Variants in WDR70 observed in about 807,000 individuals in gnomAD.
WDR70 encodes the protein WD repeat domain 70.
Under a neutral mutation model 88.6 loss-of-function variants are expected in WDR70, and 53 were observed. The observed-to-expected ratio is 0.60, with a 90% confidence interval of 0.48 to 0.75. WDR70 has a LOEUF of 0.75. Ranked by LOEUF, WDR70 falls within the 30% of genes least tolerant of loss-of-function variation. The probability of loss-of-function intolerance (pLI) is 0.00; values close to 1 mark genes in which losing one functional copy is unlikely to be tolerated. For synonymous variants in WDR70, 280 were observed against 270.0 expected (o/e 1.04, Z -0.36); for missense variants, 610 against 823.2 (o/e 0.74, Z 3.17).
At chr5:37,512,583 A>ATTTTT (rs34462724) in intron 8 of WDR70, among the ~76,000 whole-genome samples, 1 of 141,852 alleles carries the variant, frequency 7.0e-6, no homozygotes, top group East Asian at 2.1e-4. Flanking sequence ...TGCATCTAGA[A>ATTTTT]TTTTTTTTTT....
At chr5:37,555,569 T>C (rs1742271879) in intron 9 of WDR70, among the ~76,000 whole-genome samples, 1 of 152,184 alleles carries the variant, frequency 6.6e-6, no homozygotes, top group South Asian at 2.1e-4. Context: ...GAGGAGGAAA[T>C]ATCTTAGAAT....
At chr5:37,415,580 C>G (rs1271912869) in intron 5 of WDR70, among the ~76,000 whole-genome samples, 1 of 141,124 alleles carries the variant, frequency 7.1e-6, no homozygotes, top group Non-Finnish European at 1.6e-5. Context: ...CCCCACCTCC[C>G]TCCCGGACGG....
intron 9 of WDR70, among the ~76,000 whole-genome samples, chr5:37,553,590 A>C (rs1240657127): frequency 6.6e-6 from 1 of 152,216 alleles, no homozygotes; most frequent in Non-Finnish European, 1.5e-5. Context: ...GTGCTTGTGC[A>C]TGTGCTGAGG....
intron 5 of WDR70, among the ~76,000 whole-genome samples, chr5:37,431,512 G>C (rs1298581013): frequency 6.6e-6 from 1 of 151,996 alleles, no homozygotes; most frequent in Non-Finnish European, 1.5e-5. Context: ...TCCTAGTTCA[G>C]CCTCCACACC....
chr5:37,484,120 A>G (rs539567314), intron 8 of WDR70, among the ~76,000 whole-genome samples: 242 of 149,756 alleles, frequency 1.6e-3, no homozygotes, highest in African/African-American at 5.5e-3. Context: ...ATGGGCGGCC[A>G]GGCAGAGACG....
chr5:37,674,466 A>G (rs1394139782), intron 10 of WDR70, among the ~76,000 whole-genome samples: 1 of 152,064 alleles, frequency 6.6e-6, no homozygotes, highest in East Asian at 1.9e-4. Context: ...CCCACCTATG[A>G]GTGAGAACAT....
At chr5:37,723,726 C>T (rs1249682954) in intron 15 of WDR70, 1 of 152,168 alleles carries the variant, frequency 6.6e-6, no homozygotes, top group Admixed American at 6.5e-5. Context: ...AAAGAGATCC[C>T]ATGACACTTT....
chr5:37,396,979 C>T (rs575626734), intron 5 of WDR70, among the ~76,000 whole-genome samples: 3 of 152,162 alleles, frequency 2.0e-5, no homozygotes, highest in Non-Finnish European at 2.9e-5. Context: ...TCTGTTTCTA[C>T]AAAAATGCAA....
chr5:37,685,174 C>T (rs764647134), intron 10 of WDR70, among the ~76,000 whole-genome samples: 5 of 152,178 alleles, frequency 3.3e-5, no homozygotes, highest in Middle Eastern at 3.4e-3. Flanking sequence ...AAGGCACTGA[C>T]TGCAATGGTG....
intron 10 of WDR70, among the ~76,000 whole-genome samples, chr5:37,690,566 A>C (rs1429936800): frequency 6.6e-6 from 1 of 152,210 alleles, no homozygotes; most frequent in Non-Finnish European, 1.5e-5. Flanking sequence ...AACATTCTTA[A>C]AGAAAAGAAT....
chr5:37,628,466 C>T (rs1434167970), intron 10 of WDR70, among the ~76,000 whole-genome samples: 9 of 152,088 alleles, frequency 5.9e-5, no homozygotes, highest in Admixed American at 6.5e-5. Flanking sequence ...TATTATATAA[C>T]GTACTTTTTT....
intron 7 of WDR70, among the ~76,000 whole-genome samples, chr5:37,471,255 T>G (rs1739317909): frequency 6.6e-6 from 1 of 152,138 alleles, no homozygotes; most frequent in Non-Finnish European, 1.5e-5. Flanking sequence ...CCACAAAAGT[T>G]ACCTTACATC....
intron 7 of WDR70, among the ~76,000 whole-genome samples, chr5:37,453,236 A>G (rs1313810370): frequency 6.6e-6 from 1 of 152,178 alleles, no homozygotes; most frequent in Non-Finnish European, 1.5e-5. Flanking sequence ...ACACAGAAAT[A>G]TAGAGCTGTG....
chr5:37,532,190 A>T (rs1741514471), intron 9 of WDR70, among the ~76,000 whole-genome samples: 1 of 152,078 alleles, frequency 6.6e-6, no homozygotes, highest in Non-Finnish European at 1.5e-5. Context: ...AGCTCTGAAG[A>T]TTCTTTTTAT....
intron 9 of WDR70, among the ~76,000 whole-genome samples, chr5:37,560,113 G>A (rs1742455963): frequency 6.6e-6 from 1 of 152,074 alleles, no homozygotes; most frequent in Non-Finnish European, 1.5e-5. Context: ...TAGTGAGAGA[G>A]TACTTAAAAC....
chr5:37,706,799 G>A (rs1162053313), intron 13 of WDR70, among the ~76,000 whole-genome samples: 1 of 151,658 alleles, frequency 6.6e-6, no homozygotes, highest in African/African-American at 2.4e-5. Context: ...CTAATTCTTT[G>A]TGATTTGAAT....
At chr5:37,479,294 T>C (rs1443616378) in intron 7 of WDR70, among the ~76,000 whole-genome samples, 2 of 151,688 alleles carry the variant, frequency 1.3e-5, no homozygotes, top group African/African-American at 4.8e-5. Flanking sequence ...GAGAGAGTTT[T>C]AATAGATTGC....
chr5:37,644,409 C>G (rs935573766), intron 10 of WDR70, among the ~76,000 whole-genome samples: 23 of 151,994 alleles, frequency 1.5e-4, no homozygotes, highest in Admixed American at 2.6e-4. Flanking sequence ...GTTTTTGCAT[C>G]AACATTCATC....
chr5:37,450,449 C>A (rs570061535), intron 7 of WDR70, among the ~76,000 whole-genome samples: 7 of 152,148 alleles, frequency 4.6e-5, no homozygotes, highest in African/African-American at 1.4e-4. Context: ...TCTACATCCA[C>A]GTTAACCTGA....
Sources: gnomAD v4.1 joint callset for allele counts (sites outside exome capture counted in the v4.1 genomes callset) on GRCh38, gnomAD v4.1.1 for gene constraint, MANE v1.5 for transcripts, NCBI Gene and HGNC (gene_info 2026-07-23, HGNC 2026-07-21) for gene names.